Variants in EPS15 observed in about 807,000 individuals in gnomAD.
The protein encoded by EPS15 is epidermal growth factor receptor substrate 15.
Under a neutral mutation model 113.8 loss-of-function variants are expected in EPS15, and 72 were observed. That is an observed-to-expected ratio of 0.63 (90% confidence interval 0.52 to 0.77). EPS15 has a LOEUF of 0.77. Among genes scored for constraint, EPS15 ranks in the 30% least tolerant of loss-of-function variants. EPS15 has a pLI of 0.00. For missense variants in EPS15, 1,048 were observed against 1,045.8 expected, an observed-to-expected ratio of 1.00 and a Z score of -0.03; for synonymous variants, 344 against 363.4, an observed-to-expected ratio of 0.95 and a Z score of 0.61.
intron 1 of EPS15, among the ~76,000 whole-genome samples, chr1:51,516,514 A>G (rs557904234): frequency 2.8e-4 from 43 of 152,324 alleles, no homozygotes; most frequent in Non-Finnish European, 5.1e-4. Context: ...GCATTCTATC[A>G]TCTCTAGAAG....
At position 51,363,943 on chromosome 1, in the gene EPS15, G is replaced by A. The variant is rs773890979; in HGVS notation, c.2282C>T (p.Ser761Leu). ...VITKNVFEET[S>L]VKSEDEPPAL... is the part of the protein sequence containing the mutation. ...TGGGGGTTCATCTTCACTTTTGACC[G>A]ATGTTTCCTCAAATACATTTTTTGT... The change falls in exon 23 of 25, where the codon TCG (serine) becomes TTG (leucine). Residue 761 changes from serine (S) to leucine (L), a missense_variant. Ser to Leu is a moderately radical substitution (Grantham distance 145). Coordinates refer to ENST00000371733, the MANE Select transcript of EPS15 (RefSeq NM_001981.3). The A allele has an allele frequency of 1.5e-5, 25 of 1,613,716 alleles. No individual in the cohort carries two copies. The highest frequency in any genetic ancestry group is 2.2e-5 in the East Asian group (1 of 44,866).
intron 21 of EPS15, among the ~76,000 whole-genome samples, chr1:51,382,665 C>G (rs1380222516): frequency 1.3e-5 from 2 of 152,010 alleles, no homozygotes; most frequent in Non-Finnish European, 2.9e-5. Context: ...GTGATCCACC[C>G]GCCTCAGCCT....
chr1:51,467,788 A>T (rs1007014032), intron 5 of EPS15, among the ~76,000 whole-genome samples: 2 of 152,136 alleles, frequency 1.3e-5, no homozygotes, highest in African/African-American at 4.8e-5. Context: ...CATGCTACTT[A>T]TAAGAATCTA....
In EPS15 at chr1:51,472,853, T is replaced by C; in HGVS notation, c.165+6A>G. 1.2e-6 allele frequency: 2 copies of C among 1,603,248 alleles called. No homozygotes were observed. Among genetic ancestry groups the C allele is most frequent in the Non-Finnish European group, 1.7e-6 (2 of 1,170,182 alleles). ...TTATAATCTAGTTATAATGAACGAA[T>C]ACTACCTTTCCAAGTATCAAGTCTG... On this transcript the variant is annotated splice_donor_region_variant and intron_variant, in intron 3 of 24. Coordinates refer to ENST00000371733, the MANE Select transcript of EPS15 (RefSeq NM_001981.3).
At chr1:51,456,134 TAAAC>T (rs1262663620) in intron 8 of EPS15, among the ~76,000 whole-genome samples, 1 of 152,090 alleles carries the variant, frequency 6.6e-6, no homozygotes, top group East Asian at 1.9e-4. Flanking sequence ...ACTAAAAAGA[TAAAC>T]CAACCAAAAA....
intron 12 of EPS15, among the ~76,000 whole-genome samples, chr1:51,431,323 A>C (rs1214333030): frequency 6.6e-6 from 1 of 152,158 alleles, no homozygotes; most frequent in Non-Finnish European, 1.5e-5. Context: ...AGTAACTGAA[A>C]AGAGAGCCTA....
At chr1:51,477,117 C>T (rs770659653) in intron 2 of EPS15, among the ~76,000 whole-genome samples, 15 of 152,024 alleles carry the variant, frequency 9.9e-5, no homozygotes, top group Non-Finnish European at 1.3e-4. Context: ...TATTAATTAT[C>T]GCCTCAATTT....
chr1:51,377,851 C>A (rs2148374287), intron 21 of EPS15, among the ~76,000 whole-genome samples: 1 of 152,138 alleles, frequency 6.6e-6, no homozygotes, highest in African/African-American at 2.4e-5. Context: ...GATTCTCCAC[C>A]ACCAAGAAGA....
chr1:51,380,119 G>A (rs1382338148), intron 21 of EPS15, among the ~76,000 whole-genome samples: 2 of 151,254 alleles, frequency 1.3e-5, no homozygotes, highest in South Asian at 2.1e-4. Context: ...AGCAACTAGC[G>A]AGGCTGAAGC....
At chr1:51,454,695 A>G (rs1653843880) in intron 8 of EPS15, among the ~76,000 whole-genome samples, 1 of 152,224 alleles carries the variant, frequency 6.6e-6, no homozygotes, top group African/African-American at 2.4e-5. Flanking sequence ...GACTGAAAAC[A>G]TGACAACTAA....
chr1:51,460,739 A>G (rs1237492759), intron 8 of EPS15, among the ~76,000 whole-genome samples: 1 of 152,170 alleles, frequency 6.6e-6, no homozygotes, highest in Admixed American at 6.5e-5. Context: ...AGATCACTTG[A>G]GGTCAGGAGT....
In EPS15 at chr1:51,463,706, G is replaced by A. The variant is rs753409741; in HGVS notation, c.468C>T (p.Leu156=). Residue 156 remains leucine (L), a synonymous_variant, in exon 7 of 25, where the codon CTC becomes CTT. Coordinates refer to ENST00000371733, the MANE Select transcript of EPS15 (RefSeq NM_001981.3). ...LSGDKVKPVL[L]NSKLPVDILG... is the part of the protein sequence containing the mutation. ...GGATATCCACAGGTAACTTAGAGTTGAGCAACACTGGTTTCACTTTATCAC... is the reference window on the plus strand; with the variant it reads ...GGATATCCACAGGTAACTTAGAGTTAAGCAACACTGGTTTCACTTTATCAC... 4 of 1,599,052 alleles carry A rather than the reference G, an allele frequency of 2.5e-6. No homozygotes were observed. Among genetic ancestry groups the A allele is most frequent in the Non-Finnish European group, 3.4e-6 (4 of 1,167,382 alleles).
intron 21 of EPS15, among the ~76,000 whole-genome samples, chr1:51,372,054 TTG>T (rs1395132991): frequency 6.6e-6 from 1 of 152,224 alleles, no homozygotes; most frequent in Middle Eastern, 3.2e-3. Flanking sequence ...ACCATCCAGG[TTG>T]TGTCAGTACA....
chr1:51,498,826 G>T (rs186850283), intron 1 of EPS15, among the ~76,000 whole-genome samples: 1 of 152,090 alleles, frequency 6.6e-6, no homozygotes, highest in Non-Finnish European at 1.5e-5. Flanking sequence ...CAGTTTGAAT[G>T]TTTGTGTCCC....
intron 13 of EPS15, among the ~76,000 whole-genome samples, chr1:51,415,241 C>T (rs974163893): frequency 2.6e-5 from 4 of 152,050 alleles, no homozygotes; most frequent in Non-Finnish European, 5.9e-5. Flanking sequence ...ATAAACAAAC[C>T]AATATAATAT....
intron 4 of EPS15, among the ~76,000 whole-genome samples, chr1:51,468,982 T>C (rs1257111595): frequency 1.3e-5 from 2 of 151,952 alleles, no homozygotes; most frequent in Non-Finnish European, 2.9e-5. Flanking sequence ...ACACAAAAAT[T>C]AGCCAGGTGT....
chr1:51,416,223 T>C (rs1319741696), intron 13 of EPS15, among the ~76,000 whole-genome samples: 1 of 152,302 alleles, frequency 6.6e-6, no homozygotes, highest in Non-Finnish European at 1.5e-5. Context: ...CATCCTTTCC[T>C]GGGTCTGTGC....
At chr1:51,373,403 G>C (rs1646711218) in intron 21 of EPS15, among the ~76,000 whole-genome samples, 1 of 152,204 alleles carries the variant, frequency 6.6e-6, no homozygotes, top group South Asian at 2.1e-4. Context: ...ATGAGTTGAG[G>C]ATAAGATAGC....
At chr1:51,406,137 A>C (rs1649108446) in intron 15 of EPS15, 29 bp from the exon 16 acceptor site, 1 of 1,586,642 alleles carries the variant, frequency 6.3e-7, no homozygotes, top group Non-Finnish European at 8.6e-7. Flanking sequence ...AATATAGAAC[A>C]GAATTTATTA....
Sources: gnomAD v4.1 joint callset for allele counts (sites outside exome capture counted in the v4.1 genomes callset) on GRCh38, gnomAD v4.1.1 for gene constraint, MANE v1.5 for transcripts, NCBI Gene and HGNC (gene_info 2026-07-23, HGNC 2026-07-21) for gene names.